The following XYLB variants were observed in gnomAD, a reference collection of about 807,000 sequenced individuals.
XYLB encodes the protein xylulokinase.
XYLB carries 62 observed loss-of-function variants against 78.7 expected under a neutral mutation model. The ratio of observed to expected loss-of-function variants is 0.79; its 90% CI spans 0.64 to 0.97. XYLB has a LOEUF of 0.97. Ranked by LOEUF, XYLB falls within the 50% of genes least tolerant of loss-of-function variation. XYLB has a pLI of 0.00. For synonymous variants in XYLB, 245 were observed against 247.4 expected (o/e 0.99, Z 0.09); for missense variants, 687 against 676.8 (o/e 1.02, Z -0.17).
rs1313141341 is a variant in XYLB at position 38,388,527 on chromosome 3, A to C, written c.1292-6978A>C. Among the ~76,000 whole-genome samples, 6 of 152,192 alleles carry C rather than the reference A, an allele frequency of 3.9e-5. 1 individual carries two copies. Among genetic ancestry groups the C allele is most frequent in the Admixed American group, 3.9e-4 (6 of 15,290 alleles). On this transcript the variant is annotated intron_variant, in intron 15 of 18. Coordinates refer to ENST00000207870, the MANE Select transcript of XYLB (RefSeq NM_005108.4). ...ATTGTCAATTTAAATAAGTAACAAA[A>C]TAAGTAAAAAAAAGTCTAGAAGCCT...
rs1708717040 is a variant in XYLB at position 38,414,327 on chromosome 3, G to A, written c.*1314G>A. 6.6e-6 allele frequency: 1 copy of A among 151,744 alleles called. No homozygotes were observed. The highest frequency in any genetic ancestry group is 2.4e-5 in the African/African-American group (1 of 41,266). The allele number at this position is 151,744 out of a possible 1,614,324, so 9.4% of individuals were successfully genotyped here. On this transcript the variant is annotated 3_prime_UTR_variant, in exon 19 of 19. Transcript: ENST00000207870. ...TCTTGAAAGTGAGTGGTGTCCTTTG[G>A]AGGCATGGTGGATGAAAGGCGCAAA...
intron 18 of XYLB, among the ~76,000 whole-genome samples, chr3:38,401,280 A>T (rs1275129896): frequency 6.6e-6 from 1 of 152,104 alleles, no homozygotes. Flanking sequence ...TACTGAAAGG[A>T]TCCATCACTG....
rs149038032 is a variant in XYLB at position 38,355,749 on chromosome 3, T to G, written c.141-4590T>G. On this transcript the variant is annotated intron_variant, in intron 2 of 18. Transcript: ENST00000207870. ...GCTGATGTGGGTGTCCAGAGCAACC[T>G]TGGAAGCACATGTGGAACATGACAG... 8.4e-5 allele frequency: 59 copies of G among 703,572 alleles called. No individual in the cohort carries two copies. The African/African-American group carries it at 9.6e-4, about 11-fold the overall frequency. The allele number at this position is 703,572 out of a possible 1,614,324, so 43.6% of individuals were successfully genotyped here.
intron 17 of XYLB, 37 bp downstream of exon 17, chr3:38,397,196 G>A (rs748984852): frequency 2.7e-5 from 43 of 1,602,840 alleles, no homozygotes; most frequent in Non-Finnish European, 6.0e-6. Context: ...CTCTGGAAGT[G>A]GCCAGGACAT....
downstream of XYLB, among the ~76,000 whole-genome samples, chr3:38,424,082 A>T (rs1709054266): frequency 6.6e-6 from 1 of 152,204 alleles, no homozygotes; most frequent in African/African-American, 2.4e-5. Flanking sequence ...TTGGCAATTA[A>T]CAAAGGAGGC....
At chr3:38,388,169 G>GTTTTGTT (rs777492111) in intron 15 of XYLB, among the ~76,000 whole-genome samples, 3 of 109,342 alleles carry the variant, frequency 2.7e-5, no homozygotes, top group African/African-American at 6.5e-5. Flanking sequence ...GTTTTTTTTT[G>GTTTTGTT]TTTTTTTTTT....
the XYLB span, among the ~76,000 whole-genome samples, chr3:38,442,103 C>T: frequency 1.3e-5 from 2 of 152,112 alleles, no homozygotes; most frequent in East Asian, 3.9e-4. Context: ...TTCCAAGGAA[C>T]CCCTGCAATT....
chr3:38,379,905 GT>G (rs1707065310), intron 15 of XYLB, among the ~76,000 whole-genome samples: 1 of 152,180 alleles, frequency 6.6e-6, no homozygotes, highest in South Asian at 2.1e-4. Flanking sequence ...ATTTCTTACA[GT>G]TATGGAGGCT....
At chr3:38,361,493 G>A (rs1705969442) in intron 3 of XYLB, among the ~76,000 whole-genome samples, 1 of 152,184 alleles carries the variant, frequency 6.6e-6, no homozygotes. Context: ...GGTAAAGGAT[G>A]GATTTTATCC....
At chr3:38,372,864 G>T in intron 10 of XYLB, 128 bp downstream of exon 10, 1 of 1,024,432 alleles carries the variant, frequency 9.8e-7, no homozygotes. Context: ...ACCCATGCTG[G>T]ATGTTTGAGA....
chr3:38,387,427 G>GTGGCATGA (rs1300015070), intron 15 of XYLB, among the ~76,000 whole-genome samples: 2 of 152,056 alleles, frequency 1.3e-5, no homozygotes, highest in Non-Finnish European at 2.9e-5. Flanking sequence ...CTGGAGTGCA[G>GTGGCATGA]TGGCATGATC....
intron 15 of XYLB, among the ~76,000 whole-genome samples, chr3:38,390,890 T>G (rs577770762): frequency 7.9e-5 from 12 of 152,268 alleles, no homozygotes; most frequent in African/African-American, 2.9e-4. Context: ...ATAAAACATA[T>G]TAATCAAACA....
Position 38,395,559 on chromosome 3 carries a change from T to C in XYLB, c.1346T>C (p.Leu449Ser). ...TGGASHNREI[L>S]QVLADVFDAP... ...GGAGCATCTCACAATAGAGAAATCT[T>C]ACAGGTAAGCGTTAGTAGTGGGCCT... The change falls in exon 16 of 19, where the codon TTA becomes TCA. Residue 449 changes from leucine (L) to serine (S), a missense_variant. Transcript: ENST00000207870. 6.2e-7 allele frequency: 1 copy of C among 1,614,212 alleles called. No individual in the cohort carries two copies. The highest frequency in any genetic ancestry group is 8.5e-7 in the Non-Finnish European group (1 of 1,180,012).
At chr3:38,360,902 G>T (rs1705933111) in intron 3 of XYLB, among the ~76,000 whole-genome samples, 1 of 152,174 alleles carries the variant, frequency 6.6e-6, no homozygotes, top group African/African-American at 2.4e-5. Flanking sequence ...GGGCGTGGTG[G>T]CCCATGCTTG....
Position 38,375,127 on chromosome 3 carries a change from T to G in XYLB, c.889-17T>G, listed in dbSNP as rs756435565. 12 of 1,608,996 alleles carry G rather than the reference T, an allele frequency of 7.5e-6. No homozygotes were observed. The Admixed American group carries it at 1.3e-4, about 18-fold the overall frequency. Reference sequence around the variant, plus strand: ...GGGCAAAGCCCAAGGTGCCCACCTCTGCCTATCTCTCCTCAGGTCAGCCTG... The same window carrying G: ...GGGCAAAGCCCAAGGTGCCCACCTCGGCCTATCTCTCCTCAGGTCAGCCTG... On this transcript the variant is annotated splice_polypyrimidine_tract_variant and intron_variant, in intron 11 of 18. Transcript: ENST00000207870.
intron 18 of XYLB, among the ~76,000 whole-genome samples, chr3:38,402,601 C>A (rs887689698): frequency 7.2e-5 from 11 of 152,240 alleles, no homozygotes; most frequent in African/African-American, 2.7e-4. Context: ...TTCTGCTTCT[C>A]CTTCACCATG....
chr3:38,419,077 C>T (rs191852486), downstream of XYLB, among the ~76,000 whole-genome samples: 73 of 152,236 alleles, frequency 4.8e-4, no homozygotes, highest in Non-Finnish European at 9.1e-4. Context: ...CCTTGATAAC[C>T]GCTATCCTTT....
intron 15 of XYLB, among the ~76,000 whole-genome samples, chr3:38,383,826 C>A (rs1003830428): frequency 6.6e-6 from 1 of 152,096 alleles, no homozygotes; most frequent in African/African-American, 2.4e-5. Flanking sequence ...ATAATCCCAT[C>A]CCCTCTCTCC....
chr3:38,382,841 A>G (rs1707215131), intron 15 of XYLB, among the ~76,000 whole-genome samples: 1 of 152,252 alleles, frequency 6.6e-6, no homozygotes, highest in African/African-American at 2.4e-5. Context: ...AAAACAGCAT[A>G]GAGTTACTTA....
Sources: gnomAD v4.1 joint callset for allele counts (sites outside exome capture counted in the v4.1 genomes callset) on GRCh38, gnomAD v4.1.1 for gene constraint, MANE v1.5 for transcripts, NCBI Gene and HGNC (gene_info 2026-07-23, HGNC 2026-07-21) for gene names.